The following EIF4E3 variants were observed in gnomAD, a reference collection of about 807,000 sequenced individuals.
The protein encoded by EIF4E3 is eukaryotic translation initiation factor 4E family member 3.
Under a neutral mutation model 31.7 loss-of-function variants are expected in EIF4E3, and 26 were observed. The observed-to-expected ratio is 0.82, with a 90% CI of 0.60 to 1.14. The LOEUF (loss-of-function observed/expected upper bound fraction) is 1.14. EIF4E3 is among the 50% of genes most tolerant of loss of function. The pLI, the probability that EIF4E3 is intolerant of heterozygous loss-of-function variation, is 0.00. For synonymous variants in EIF4E3, 128 were observed against 107.7 expected, an observed-to-expected ratio of 1.19 and a Z score of -1.17; for missense variants, 304 against 270.9, an observed-to-expected ratio of 1.12 and a Z score of -0.86.
At chr3:71,694,915 C>G (rs1018082124) in intron 4 of EIF4E3, among the ~76,000 whole-genome samples, 2 of 152,170 alleles carry the variant, frequency 1.3e-5, no homozygotes, top group African/African-American at 4.8e-5. Flanking sequence ...ATGCCATAAA[C>G]AGCTGTGTGT....
intron 2 of EIF4E3, 140 bp downstream of exon 2, chr3:71,710,272 T>C (rs1400027316): frequency 1.1e-6 from 1 of 898,558 alleles, no homozygotes; most frequent in African/African-American, 1.7e-5. Flanking sequence ...CAAGGGCAGC[T>C]GTGCCAACCT....
At chr3:71,671,087 G>A (rs909211732), downstream of EIF4E3, among the ~76,000 whole-genome samples, 6 of 152,144 alleles carry the variant, frequency 3.9e-5, no homozygotes, top group Non-Finnish European at 8.8e-5. Context: ...TGTGTGTGAT[G>A]TAAAGGTGGG....
At chr3:71,670,135 C>T in the EIF4E3 span, among the ~76,000 whole-genome samples, 108 of 152,288 alleles carry the variant, frequency 7.1e-4, no homozygotes, top group Admixed American at 6.3e-3. Flanking sequence ...TCTAAACTGT[C>T]GAACGTCAGG....
upstream of EIF4E3, chr3:71,753,909 C>G (rs1553671347): frequency 2.1e-6 from 2 of 961,266 alleles, no homozygotes; most frequent in Non-Finnish European, 2.5e-6. Flanking sequence ...CAGGAGGGGC[C>G]GGCCGGGAGC....
chr3:71,670,665 T>C (rs2048842925), downstream of EIF4E3, among the ~76,000 whole-genome samples: 1 of 152,196 alleles, frequency 6.6e-6, no homozygotes. Flanking sequence ...TACTGTAGAA[T>C]GGAATTTTAA....
At chr3:71,714,273 A>AGAAGGAAGGAAGGAAGGAAG (rs1215872110) in intron 1 of EIF4E3, among the ~76,000 whole-genome samples, 7 of 125,280 alleles carry the variant, frequency 5.6e-5, no homozygotes, top group Admixed American at 1.6e-4. Flanking sequence ...AAGGAAGGAA[A>AGAAGGAAGGAAGGAAGGAAG]GAAGGAAGGA....
chr3:71,709,016 T>C (rs938012336), intron 2 of EIF4E3, among the ~76,000 whole-genome samples: 1 of 152,124 alleles, frequency 6.6e-6, no homozygotes, highest in African/African-American at 2.4e-5. Flanking sequence ...CGCAGCACCT[T>C]ACAATCAGAT....
At position 71,691,262 on chromosome 3, in the gene EIF4E3, G is replaced by GC. The variant is rs1207093233; in HGVS notation, c.473-1098dup. Among the ~76,000 whole-genome samples the GC allele has an allele frequency of 3.3e-5, 5 of 152,288 alleles. No individual in the cohort carries two copies. The East Asian group carries it at 9.6e-4, about 29-fold the overall frequency. On this transcript the variant is annotated intron_variant, in intron 5 of 6. Transcript: ENST00000425534. ...GGCCTCTGTAAATCTAAATATTCAT[G>GC]CCATCAGTTTTTCCAATTGTCTTCT...
chr3:71,723,327 T>G (rs2049579871), intron 1 of EIF4E3, among the ~76,000 whole-genome samples: 1 of 152,194 alleles, frequency 6.6e-6, no homozygotes, highest in African/African-American at 2.4e-5. Flanking sequence ...AGTTGTTTGA[T>G]CGGGCAAAAT....
chr3:71,682,357 A>G lies in EIF4E3; in HGVS notation c.*2325T>C, dbSNP rs2048934425. ...AGTTTGCACTTTCCCCACATCAGCCAAGATGGGTAAACTGCCTTAACACAA... is the reference window on the plus strand; with the variant it reads ...AGTTTGCACTTTCCCCACATCAGCCGAGATGGGTAAACTGCCTTAACACAA... On this transcript the variant is annotated 3_prime_UTR_variant, in exon 7 of 7. Coordinates refer to ENST00000425534, the MANE Select transcript of EIF4E3 (RefSeq NM_001134651.2). 6.6e-6 allele frequency: 1 copy of G among 152,220 alleles called. No individual in the cohort carries two copies. Among genetic ancestry groups the G allele is most frequent in the Non-Finnish European group, 1.5e-5 (1 of 68,018 alleles). The allele number at this position is 152,220 out of a possible 1,614,324, so 9.4% of individuals were successfully genotyped here. A position where few individuals can be genotyped will look rare whatever the true frequency, so the allele number is the denominator to read the frequency against.
chr3:71,742,611 A>G (rs939514761), intron 1 of EIF4E3, among the ~76,000 whole-genome samples: 1 of 152,160 alleles, frequency 6.6e-6, no homozygotes, highest in African/African-American at 2.4e-5. Context: ...GAGAGAATAC[A>G]TTCCAAGTCA....
chr3:71,741,469 T>A (rs1390725171), intron 1 of EIF4E3, among the ~76,000 whole-genome samples: 2 of 152,146 alleles, frequency 1.3e-5, no homozygotes, highest in African/African-American at 4.8e-5. Context: ...CAAGAGGATA[T>A]AATAATTCTA....
chr3:71,754,458 T>C, upstream of EIF4E3: 1 of 1,336,604 alleles, frequency 7.5e-7, no homozygotes. The surrounding 1 kb of genome is among the most constrained non-coding windows in gnomAD (Gnocchi z 5.8). Context: ...CCTGGCCGGC[T>C]GGCCGTGCGC....
intron 1 of EIF4E3, among the ~76,000 whole-genome samples, chr3:71,739,854 A>G (rs1033452075): frequency 2.6e-4 from 39 of 152,250 alleles, no homozygotes; most frequent in African/African-American, 8.2e-4. Flanking sequence ...TCTTTAAAAA[A>G]TAATGACTGT....
intron 1 of EIF4E3, among the ~76,000 whole-genome samples, chr3:71,748,077 G>A (rs12637711): frequency 3.9e-5 from 6 of 152,114 alleles, no homozygotes; most frequent in African/African-American, 1.4e-4. Flanking sequence ...AGAGGTTTAC[G>A]GCAAGGTGGC....
upstream of EIF4E3, among the ~76,000 whole-genome samples, chr3:71,729,449 A>C (rs1254575191): frequency 2.5e-4 from 38 of 152,290 alleles, no homozygotes; most frequent in Non-Finnish European, 8.8e-5. Context: ...GCTCCCTTGA[A>C]AGGAGGGAAC....
intron 1 of EIF4E3, among the ~76,000 whole-genome samples, chr3:71,723,591 C>CTAATTTGTTGTT (rs1452758439): frequency 6.6e-6 from 1 of 152,104 alleles, no homozygotes; most frequent in African/African-American, 2.4e-5. Flanking sequence ...AAGTGTTGTT[C>CTAATTTGTTGTT]CTACATGTAA....
At chr3:71,693,587 A>T (rs1442681772) in intron 5 of EIF4E3, among the ~76,000 whole-genome samples, 1 of 152,194 alleles carries the variant, frequency 6.6e-6, no homozygotes, top group African/African-American at 2.4e-5. Flanking sequence ...TATTTTGGAC[A>T]GATGGTTATA....
chr3:71,668,126 C>T, the EIF4E3 span, among the ~76,000 whole-genome samples: 3 of 152,168 alleles, frequency 2.0e-5, no homozygotes, highest in Non-Finnish European at 4.4e-5. Flanking sequence ...TGATCTTTGA[C>T]AAACCTGACA....
Sources: allele counts gnomAD v4.1 joint callset (sites outside exome capture counted in the v4.1 genomes callset), GRCh38; gene constraint gnomAD v4.1.1; non-coding constraint Gnocchi (gnomAD v3.1); transcripts MANE v1.5; gene names NCBI Gene and HGNC (gene_info 2026-07-23, HGNC 2026-07-21).